The following ANKFN1 variants were observed in gnomAD, a reference collection of about 807,000 sequenced individuals.
ANKFN1 encodes the protein ankyrin repeat and fibronectin type-III domain-containing protein 1.
Under a neutral mutation model 108.7 loss-of-function variants are expected in ANKFN1, and 74 were observed. The observed-to-expected ratio is 0.68, with a 90% CI of 0.56 to 0.83. The LOEUF (loss-of-function observed/expected upper bound fraction) is 0.83, where lower values mean the gene tolerates loss of function less well. Ranked by LOEUF, ANKFN1 falls within the 40% of genes least tolerant of loss-of-function variation. The pLI, the probability that ANKFN1 is intolerant of heterozygous loss-of-function variation, is 0.00. For synonymous variants in ANKFN1, 547 were observed against 516.2 expected (o/e 1.06, Z -0.81); for missense variants, 1,505 against 1,382.3 (o/e 1.09, Z -1.41).
At chr17:56,477,286 C>A (rs1233295137) in intron 15 of ANKFN1, among the ~76,000 whole-genome samples, 3 of 152,086 alleles carry the variant, frequency 2.0e-5, no homozygotes, top group African/African-American at 7.2e-5. Context: ...AACTGATTAC[C>A]TGGCCAAGAA....
rs2051733472 is a variant in ANKFN1, at chr17:56,510,876, C to T, written c.3048C>T (p.Arg1016=). 3.3e-6 allele frequency: 5 copies of T among 1,536,056 alleles called. No homozygotes were observed. The African/African-American group carries it at 5.5e-5, about 17-fold the overall frequency. ...PHYGGFSRHH[R]WLRIHSETQS... The stretch of plus-strand genomic sequence containing the variant: ...ATGGCGGCTTCAGCCGCCATCATCG[C>T]TGGTTGCGCATCCACAGCGAGACCC... Residue 1016 remains arginine (R), a synonymous_variant, in exon 21 of 21, where the codon CGC becomes CGT. Transcript: ENST00000682825.
At chr17:56,399,225 G>A (rs1290682650) in intron 8 of ANKFN1, among the ~76,000 whole-genome samples, 2 of 152,034 alleles carry the variant, frequency 1.3e-5, no homozygotes, top group Non-Finnish European at 2.9e-5. Context: ...GGGGACCAGA[G>A]ATTTCCATAT....
intron 4 of ANKFN1, among the ~76,000 whole-genome samples, chr17:56,132,078 C>T (rs1171801738): frequency 6.6e-6 from 1 of 152,156 alleles, no homozygotes; most frequent in African/African-American, 2.4e-5. Context: ...TTGCAAGTGA[C>T]TCATGATAGG....
intron 3 of ANKFN1, among the ~76,000 whole-genome samples, chr17:56,233,878 T>A (rs769282783): frequency 2.0e-5 from 3 of 152,054 alleles, no homozygotes; most frequent in Non-Finnish European, 4.4e-5. Flanking sequence ...AAGACAAAAA[T>A]GAAACAGAAA....
chr17:56,374,927 G>C (rs1210120550), intron 8 of ANKFN1, among the ~76,000 whole-genome samples: 4 of 152,138 alleles, frequency 2.6e-5, no homozygotes, highest in African/African-American at 7.2e-5. Context: ...ACAAGACCAG[G>C]CTGTCATTTC....
chr17:56,372,684 C>T lies in ANKFN1; in HGVS notation c.640C>T (p.Leu214=), dbSNP rs1193982160. The part of the protein sequence containing the change: ...LESRAMHLNT[L]VQEAQERVSE... ...AAGCCGAGCAATGCACCTCAACACACTGGTCCAGGAAGCCCAGGAGAGGGT... is the reference window on the plus strand; with the variant it reads ...AAGCCGAGCAATGCACCTCAACACATTGGTCCAGGAAGCCCAGGAGAGGGT... Residue 214 remains leucine, a synonymous_variant, in exon 7 of 21, where the codon CTG becomes TTG. Transcript: ENST00000682825. 6.2e-7 allele frequency: 1 copy of T among 1,613,888 alleles called. No homozygotes were observed. The highest frequency in any genetic ancestry group is 1.3e-5 in the African/African-American group (1 of 75,018).
chr17:56,083,990 G>A (rs904966882), intron 4 of ANKFN1, among the ~76,000 whole-genome samples: 1 of 151,158 alleles, frequency 6.6e-6, no homozygotes, highest in African/African-American at 2.4e-5. Flanking sequence ...GCAGTCAGGT[G>A]GGAACAGTGG....
At chr17:56,463,761 C>T (rs2049988866) in intron 14 of ANKFN1, 1 of 152,140 alleles carries the variant, frequency 6.6e-6, no homozygotes, top group African/African-American at 2.4e-5. Context: ...ATATGAATAC[C>T]GTGTTCTTTA....
intron 8 of ANKFN1, among the ~76,000 whole-genome samples, chr17:56,423,614 A>G (rs9897172): frequency 0.79 from 119,965 of 151,934 alleles, 47,624 homozygotes; most frequent in East Asian, 0.96. Flanking sequence ...GATTGTGCCC[A>G]AATTTTTCAG....
At chr17:56,470,375 C>T (rs2050274935) in intron 15 of ANKFN1, among the ~76,000 whole-genome samples, 1 of 152,228 alleles carries the variant, frequency 6.6e-6, no homozygotes, top group African/African-American at 2.4e-5. Context: ...CCATCTGCCA[C>T]ATTATTGAAC....
intron 14 of ANKFN1, among the ~76,000 whole-genome samples, chr17:56,458,699 A>T (rs1048712473): frequency 2.0e-5 from 3 of 152,148 alleles, no homozygotes; most frequent in African/African-American, 4.8e-5. Flanking sequence ...AGAAAAAAAA[A>T]TATCTGCTAC....
At chr17:56,416,632 T>G (rs1405186188) in intron 8 of ANKFN1, among the ~76,000 whole-genome samples, 1 of 152,230 alleles carries the variant, frequency 6.6e-6, no homozygotes, top group African/African-American at 2.4e-5. Context: ...ACAACCACTA[T>G]GGAGAACAAT....
chr17:56,275,716 C>A (rs1265858971), intron 3 of ANKFN1, among the ~76,000 whole-genome samples: 1 of 152,016 alleles, frequency 6.6e-6, no homozygotes, highest in Non-Finnish European at 1.5e-5. Flanking sequence ...CATTGGGGAG[C>A]ACAGAATATT....
At chr17:56,424,136 G>A (rs1354929134) in intron 8 of ANKFN1, among the ~76,000 whole-genome samples, 3 of 152,124 alleles carry the variant, frequency 2.0e-5, no homozygotes, top group Admixed American at 6.5e-5. Context: ...GTAGAAGGTG[G>A]GTGCACTAAG....
intron 3 of ANKFN1, among the ~76,000 whole-genome samples, chr17:56,244,399 T>G (rs990663250): frequency 6.6e-6 from 1 of 152,068 alleles, no homozygotes; most frequent in African/African-American, 2.4e-5. Flanking sequence ...CAAAGTCACA[T>G]GCCTAGAAGA....
intron 3 of ANKFN1, among the ~76,000 whole-genome samples, chr17:56,265,863 G>T (rs764900692): frequency 2.8e-4 from 43 of 151,860 alleles, no homozygotes; most frequent in Admixed American, 2.6e-4. Flanking sequence ...CTGTCTTTTT[G>T]TTTTCAAGTA....
At position 56,178,241 on chromosome 17, in the gene ANKFN1, A is replaced by G. The variant is rs1013399458; in HGVS notation, c.-71+24711A>G. Among the ~76,000 whole-genome samples the G allele has an allele frequency of 2.0e-5, 3 of 152,210 alleles. No homozygotes were observed. In the South Asian group the frequency reaches 6.2e-4, roughly 31 times the overall value. On this transcript the variant is annotated intron_variant, in intron 1 of 20. Transcript: ENST00000682825. ...TCTGATCCATCAGTCTGCTTCATGTATCGTATGACTTGAGGGCACCAAGAG... is the reference window on the plus strand; with the variant it reads ...TCTGATCCATCAGTCTGCTTCATGTGTCGTATGACTTGAGGGCACCAAGAG...
At chr17:56,420,704 A>AT (rs2048377323) in intron 8 of ANKFN1, among the ~76,000 whole-genome samples, 1 of 43,742 alleles carries the variant, frequency 2.3e-5, no homozygotes, top group Non-Finnish European at 5.4e-5. Flanking sequence ...TTTTTTTTTT[A>AT]TTGTTGTTTT....
intron 4 of ANKFN1, among the ~76,000 whole-genome samples, chr17:56,098,438 A>G (rs751603981): frequency 1.3e-3 from 177 of 132,938 alleles, no homozygotes; most frequent in East Asian, 1.8e-3. Context: ...ACACACACAC[A>G]CGCGCGCGCA....
Sources: gnomAD v4.1 joint callset for allele counts (sites outside exome capture counted in the v4.1 genomes callset) on GRCh38, gnomAD v4.1.1 for gene constraint, MANE v1.5 for transcripts, NCBI Gene and HGNC (gene_info 2026-07-23, HGNC 2026-07-21) for gene names.